MSRA: variants seen among roughly 807,000 people sequenced by gnomAD.
MSRA encodes the protein methionine sulfoxide reductase A.
Under a neutral mutation model 31.3 loss-of-function variants are expected in MSRA, and 54 were observed. That is an observed-to-expected ratio of 1.73 (90% CI 1.39 to 2.17). The LOEUF (loss-of-function observed/expected upper bound fraction) is 2.17, where lower values mean the gene tolerates loss of function less well. Among genes scored for constraint, MSRA ranks in the 30% most tolerant of loss-of-function variants. The pLI, the probability that MSRA is intolerant of heterozygous loss-of-function variation, is 0.00. For synonymous variants in MSRA, 169 were observed against 116.5 expected, an observed-to-expected ratio of 1.45 and a Z score of -2.90; for missense variants, 507 against 300.9, an observed-to-expected ratio of 1.69 and a Z score of -5.07.
At chr8:10,157,995 C>T (rs1804300756) in intron 1 of MSRA, among the ~76,000 whole-genome samples, 1 of 152,164 alleles carries the variant, frequency 6.6e-6, no homozygotes, top group Admixed American at 6.5e-5. Context: ...AAATTTCTCA[C>T]AGTTCTGGAG....
At chr8:10,103,134 G>C (rs1190605784) in intron 1 of MSRA, among the ~76,000 whole-genome samples, 1 of 152,146 alleles carries the variant, frequency 6.6e-6, no homozygotes, top group Non-Finnish European at 1.5e-5. Flanking sequence ...TAAAAGGAGA[G>C]AATACGCTAC....
At chr8:10,093,845 G>A (rs1442044539) in intron 1 of MSRA, among the ~76,000 whole-genome samples, 1 of 152,102 alleles carries the variant, frequency 6.6e-6, no homozygotes, top group African/African-American at 2.4e-5. Flanking sequence ...ATGTCTTAAT[G>A]TCTCCTTCAT....
chr8:10,094,860 A>C (rs1005154194), intron 1 of MSRA, among the ~76,000 whole-genome samples: 1 of 152,254 alleles, frequency 6.6e-6, no homozygotes, highest in Non-Finnish European at 1.5e-5. Flanking sequence ...TCAAAATATG[A>C]AAAGATACTT....
rs142695118 is a variant in MSRA, at chr8:10,396,334, A to G, written c.544-31814A>G. On this transcript the variant is annotated intron_variant, in intron 5 of 5. Transcript: ENST00000317173. ...ATTTACACACTGAGTGGGAAGAGCT[A>G]TGAAGGAATATGTAACATTTTAATA... is the stretch of plus-strand genomic sequence containing the variant. Among the ~76,000 whole-genome samples, 53 of 152,278 alleles carry G rather than the reference A, an allele frequency of 3.5e-4. 1 individual carries two copies. In the East Asian group the frequency reaches 6.6e-3, roughly 19 times the overall value.
intron 5 of MSRA, among the ~76,000 whole-genome samples, chr8:10,422,101 A>G (rs1808849565): frequency 6.6e-6 from 1 of 152,172 alleles, no homozygotes; most frequent in African/African-American, 2.4e-5. Flanking sequence ...GACAACATAT[A>G]GGGAGACACT....
intron 1 of MSRA, among the ~76,000 whole-genome samples, chr8:10,161,322 T>A (rs1056804878): frequency 3.9e-5 from 6 of 152,180 alleles, no homozygotes; most frequent in Non-Finnish European, 7.4e-5. Flanking sequence ...TTTTGCTGTT[T>A]CCTTGGGCAG....
At chr8:10,116,722 C>T (rs1181597807) in intron 1 of MSRA, among the ~76,000 whole-genome samples, 2 of 152,092 alleles carry the variant, frequency 1.3e-5, no homozygotes, top group Admixed American at 6.5e-5. Flanking sequence ...AATCTCAGCA[C>T]TTTGGGAGGC....
At chr8:10,057,105 G>T (rs1012377435) in intron 1 of MSRA, among the ~76,000 whole-genome samples, 4 of 152,290 alleles carry the variant, frequency 2.6e-5, no homozygotes, top group Non-Finnish European at 5.9e-5. Flanking sequence ...AAGTTTTTCA[G>T]TGTTTAATTT....
intron 1 of MSRA, among the ~76,000 whole-genome samples, chr8:10,159,771 A>G (rs1291574801): frequency 6.6e-6 from 1 of 152,316 alleles, no homozygotes; most frequent in African/African-American, 2.4e-5. Context: ...TTAGATTTAA[A>G]TGGTGGGTGG....
At chr8:10,249,732 C>G (rs1797819204) in intron 3 of MSRA, among the ~76,000 whole-genome samples, 1 of 152,168 alleles carries the variant, frequency 6.6e-6, no homozygotes, top group African/African-American at 2.4e-5. Flanking sequence ...CATTTCTGAT[C>G]TGTCTCTAAG....
At chr8:10,283,823 A>ATATATG (rs1274984224) in intron 3 of MSRA, among the ~76,000 whole-genome samples, 5 of 80,588 alleles carry the variant, frequency 6.2e-5, no homozygotes, top group African/African-American at 2.3e-4. Flanking sequence ...ATATATATAT[A>ATATATG]TATATATATA....
At chr8:10,120,390 C>T (rs1051498461) in intron 1 of MSRA, among the ~76,000 whole-genome samples, 1 of 152,090 alleles carries the variant, frequency 6.6e-6, no homozygotes, top group Non-Finnish European at 1.5e-5. Context: ...CTGTAATTTG[C>T]CCATCCGTGT....
At chr8:10,328,300 C>T (rs1802496358) in intron 5 of MSRA, among the ~76,000 whole-genome samples, 1 of 139,044 alleles carries the variant, frequency 7.2e-6, no homozygotes, top group African/African-American at 2.6e-5. Context: ...ATTTAACTTG[C>T]CTAACTAAGC....
chr8:10,372,944 A>G (rs993347017), intron 5 of MSRA, among the ~76,000 whole-genome samples: 1 of 152,240 alleles, frequency 6.6e-6, no homozygotes, highest in African/African-American at 2.4e-5. Context: ...GATGGAGTGC[A>G]GTGCTGCGAT....
intron 1 of MSRA, among the ~76,000 whole-genome samples, chr8:10,155,417 A>G (rs188145985): frequency 3.2e-4 from 48 of 152,316 alleles, no homozygotes; most frequent in East Asian, 9.7e-4. Context: ...GGTTGTATCA[A>G]CTGAAGAGCC....
At chr8:10,199,312 G>C (rs1808282106) in intron 1 of MSRA, among the ~76,000 whole-genome samples, 1 of 152,034 alleles carries the variant, frequency 6.6e-6, no homozygotes, top group Non-Finnish European at 1.5e-5. Context: ...CTCTAGGCTG[G>C]GTTTTTTGTT....
chr8:10,167,750 G>T (rs564310241), intron 1 of MSRA, among the ~76,000 whole-genome samples: 1 of 152,168 alleles, frequency 6.6e-6, no homozygotes, highest in East Asian at 1.9e-4. Flanking sequence ...AGCCTGGAGA[G>T]TTGGGTCCAT....
At chr8:10,420,230 A>G (rs1027102737) in intron 5 of MSRA, among the ~76,000 whole-genome samples, 1 of 152,146 alleles carries the variant, frequency 6.6e-6, no homozygotes, top group East Asian at 1.9e-4. Context: ...AGAGGAGTCA[A>G]ATTCAGAGGA....
chr8:10,192,218 G>C (rs1458315903), intron 1 of MSRA, among the ~76,000 whole-genome samples: 2 of 152,182 alleles, frequency 1.3e-5, no homozygotes, highest in African/African-American at 4.8e-5. Flanking sequence ...TTTAGTAGCA[G>C]TGAATCACTA....
Sources: allele counts gnomAD v4.1 joint callset (sites outside exome capture counted in the v4.1 genomes callset), GRCh38; gene constraint gnomAD v4.1.1; transcripts MANE v1.5; gene names NCBI Gene and HGNC (gene_info 2026-07-23, HGNC 2026-07-21).